Variants in TEX15 observed in about 807,000 individuals in gnomAD.
TEX15 encodes testis-expressed protein 15.
In TEX15, 171 loss-of-function variants were observed where a neutral mutation model predicts 237.3. That is an observed-to-expected ratio of 0.72 (90% CI 0.64 to 0.82). TEX15 has a LOEUF of 0.82. Ranked by LOEUF, TEX15 falls within the 40% of genes least tolerant of loss-of-function variation. The pLI, the probability that TEX15 is intolerant of heterozygous loss-of-function variation, is 0.00. For synonymous variants in TEX15, 1,338 were observed against 1,269.8 expected (o/e 1.05, Z -1.14); for missense variants, 3,750 against 3,646.5 (o/e 1.03, Z -0.73).
intron 9 of TEX15, among the ~76,000 whole-genome samples, chr8:30,839,430 TAA>T (rs11350429): frequency 2.7e-5 from 4 of 149,692 alleles, no homozygotes; most frequent in Admixed American, 6.6e-5. Flanking sequence ...ATGCACAAGT[TAA>T]AAAAAAAAGT....
At chr8:30,879,410 A>G (rs1332573781) in intron 3 of TEX15, among the ~76,000 whole-genome samples, 1 of 152,192 alleles carries the variant, frequency 6.6e-6, no homozygotes. Context: ...TTATAGCTTC[A>G]CATTTTACAT....
chr8:30,892,577 G>T (rs1349654196), intron 2 of TEX15, among the ~76,000 whole-genome samples: 1 of 152,134 alleles, frequency 6.6e-6, no homozygotes, highest in African/African-American at 2.4e-5. Flanking sequence ...TTTCCTATCT[G>T]TGAACATGGT....
intron 1 of TEX15, among the ~76,000 whole-genome samples, chr8:30,911,115 T>C (rs1809207021): frequency 6.6e-6 from 1 of 152,174 alleles, no homozygotes; most frequent in South Asian, 2.1e-4. Context: ...TTAAAGCTTG[T>C]ACCACTTTAT....
intron 7 of TEX15, among the ~76,000 whole-genome samples, chr8:30,855,045 C>T (rs1807879976): frequency 6.6e-6 from 1 of 152,054 alleles, no homozygotes; most frequent in Non-Finnish European, 1.5e-5. Flanking sequence ...ATGCCTTCCC[C>T]CTAAATTCAA....
chr8:30,841,291 A>G (rs1807447606), intron 8 of TEX15, among the ~76,000 whole-genome samples: 1 of 152,224 alleles, frequency 6.6e-6, no homozygotes, highest in African/African-American at 2.4e-5. Context: ...CTCTTAGAGC[A>G]GTGCTGAGAC....
rs1807531358 is a variant in TEX15, at chr8:30,844,182, G to A, written c.5985C>T (p.Ala1995=). ...AAATTTGAGATAGATTAGCTATAAG[G>A]GCCGTATGATTAGCTGAGCAATGTT... ...KEKHCSANHT[A]LIANLSQILQ... Residue 1995 remains alanine, a synonymous_variant, in exon 8 of 11, where the codon GCC becomes GCT. Transcript: ENST00000643185. 1 of 1,612,454 alleles carries A rather than the reference G, an allele frequency of 6.2e-7. No individual in the cohort carries two copies. Among genetic ancestry groups the A allele is most frequent in the South Asian group, 1.1e-5 (1 of 90,680 alleles).
intron 1 of TEX15, 97 bp downstream of exon 1, chr8:30,912,782 C>G (rs1809259861): frequency 6.6e-6 from 1 of 152,162 alleles, no homozygotes; most frequent in Non-Finnish European, 1.5e-5. Context: ...GTCTGAGACT[C>G]CCCATAATTA....
intron 3 of TEX15, among the ~76,000 whole-genome samples, chr8:30,886,342 A>G (rs370911135): frequency 8.5e-5 from 13 of 152,198 alleles, no homozygotes; most frequent in Non-Finnish European, 1.5e-4. Context: ...TTACCACTGC[A>G]AAGGGCTGGA....
chr8:30,862,724 A>T (rs558816172), intron 5 of TEX15, among the ~76,000 whole-genome samples: 1 of 152,312 alleles, frequency 6.6e-6, no homozygotes, highest in South Asian at 2.1e-4. Flanking sequence ...CTGTGATTTT[A>T]ATAGTCCTGG....
At chr8:30,901,838 A>G (rs765609862) in intron 1 of TEX15, among the ~76,000 whole-genome samples, 1 of 152,230 alleles carries the variant, frequency 6.6e-6, no homozygotes, top group Non-Finnish European at 1.5e-5. Context: ...GCATAGAGCT[A>G]GAAAAAACTA....
intron 1 of TEX15, among the ~76,000 whole-genome samples, chr8:30,907,562 A>G (rs1234638140): frequency 6.9e-5 from 10 of 145,266 alleles, no homozygotes; most frequent in Non-Finnish European, 1.5e-4. Flanking sequence ...AAATTTATAT[A>G]TAATTTATTA....
chr8:30,845,154 A>G lies in TEX15; in HGVS notation c.5013T>C (p.Leu1671=), dbSNP rs1408344472. Residue 1671 remains leucine, a synonymous_variant, in exon 8 of 11, where the codon CTT becomes CTC. Transcript: ENST00000643185. ...FLNDLYQQGN[L]ILSDCKRNLE... ...GGTTTCTTTTACAATCAGATAAAAT[A>G]AGGTTACCTTGTTGGTAGAGATCAT... The G allele has an allele frequency of 6.2e-7, 1 of 1,613,404 alleles. No individual in the cohort carries two copies. The highest frequency in any genetic ancestry group is 1.7e-5 in the Admixed American group (1 of 59,956).
In TEX15 at chr8:30,874,945, A is replaced by T; in HGVS notation, c.294T>A (p.Thr98=). ...VHNEELEKNF[T]AKRSEMRESG... is the part of the protein sequence containing the mutation. ...AGATCATAGTAACTTACCTCTTAGC[A>T]GTAAAATTTTTTTCCAGTTCCTCAT... The change falls in exon 4 of 11, where the codon ACT becomes ACA. Residue 98 remains threonine (T), a synonymous_variant. Coordinates refer to ENST00000643185, the MANE Select transcript of TEX15 (RefSeq NM_001350162.2). 1.0e-5 allele frequency: 14 copies of T among 1,334,362 alleles called. No individual in the cohort carries two copies. The highest frequency in any genetic ancestry group is 1.3e-5 in the Non-Finnish European group (14 of 1,042,116). 82.7% of individuals were successfully genotyped at this position (1,334,362 alleles called of 1,614,324 possible).
At chr8:30,849,779 A>G (rs569623159) in intron 7 of TEX15, among the ~76,000 whole-genome samples, 13 of 151,932 alleles carry the variant, frequency 8.6e-5, no homozygotes, top group Middle Eastern at 3.4e-3. Context: ...GGCACCTGTA[A>G]TCCCAGCTAC....
intron 4 of TEX15, among the ~76,000 whole-genome samples, chr8:30,870,702 G>T (rs368377206): frequency 3.9e-5 from 6 of 152,196 alleles, no homozygotes; most frequent in African/African-American, 7.2e-5. Flanking sequence ...ACAGCTAAGA[G>T]AAATTGGGAT....
chr8:30,858,579 T>A, intron 7 of TEX15, 89 bp downstream of exon 7: 1 of 1,171,550 alleles, frequency 8.5e-7, no homozygotes, highest in East Asian at 2.7e-5. Context: ...ATTACAGGTG[T>A]GAACCATTGT....
chr8:30,859,901 A>C lies in TEX15; in HGVS notation c.687+10T>G. Reference sequence around the variant, plus strand: ...TACTTTTCAAGAAATCAAATGAACCATTAACATACTGCTGAACTGTAGGCT... The same window carrying C: ...TACTTTTCAAGAAATCAAATGAACCCTTAACATACTGCTGAACTGTAGGCT... On this transcript the variant is annotated intron_variant, in intron 6 of 10. Coordinates refer to ENST00000643185, the MANE Select transcript of TEX15 (RefSeq NM_001350162.2). 1 of 1,424,586 alleles carries C rather than the reference A, an allele frequency of 7.0e-7. No individual in the cohort carries two copies. Among genetic ancestry groups the C allele is most frequent in the Non-Finnish European group, 9.1e-7 (1 of 1,095,546 alleles). 88.2% of individuals were successfully genotyped at this position (1,424,586 alleles called of 1,614,324 possible). A position where few individuals can be genotyped will look rare whatever the true frequency, so the allele number is the denominator to read the frequency against.
At position 30,872,341 on chromosome 8, in the gene TEX15, C is replaced by T. The variant is rs78483865; in HGVS notation, c.302+2596G>A. ...TAGCTTAGGTCTCACAGTGTCATAG[C>T]ATAATGCATCACTTTCATGTCTGTG... On this transcript the variant is annotated intron_variant, in intron 4 of 10. Transcript: ENST00000643185. Among the ~76,000 whole-genome samples, 1,297 of 152,156 alleles carry T rather than the reference C, an allele frequency of 8.5e-3. 16 individuals are homozygous for T. The highest frequency in any genetic ancestry group is 0.03 in the African/African-American group (1,252 of 41,504).
chr8:30,911,894 G>C (rs1276922291), intron 1 of TEX15, among the ~76,000 whole-genome samples: 4 of 152,174 alleles, frequency 2.6e-5, no homozygotes, highest in Non-Finnish European at 5.9e-5. Context: ...AACTGAGGCA[G>C]GAGTCTCTTC....
Sources: allele counts gnomAD v4.1 joint callset (sites outside exome capture counted in the v4.1 genomes callset), GRCh38; gene constraint gnomAD v4.1.1; transcripts MANE v1.5; gene names NCBI Gene and HGNC (gene_info 2026-07-23, HGNC 2026-07-21).